TNFRSF19: variants seen among roughly 807,000 people sequenced by gnomAD.
The protein encoded by TNFRSF19 is tumor necrosis factor receptor superfamily member 19.
A neutral mutation model predicts 46.4 loss-of-function variants in TNFRSF19; 27 were observed. That is an observed-to-expected ratio of 0.58 (90% CI 0.43 to 0.80). The LOEUF is 0.80. Ranked by LOEUF, TNFRSF19 falls within the 30% of genes least tolerant of loss-of-function variation. The probability of loss-of-function intolerance (pLI) is 0.00; values close to 1 mark genes in which losing one functional copy is unlikely to be tolerated. For missense variants in TNFRSF19, 511 were observed against 530.8 expected (o/e 0.96, Z 0.37); for synonymous variants, 204 against 205.0 (o/e 1.00, Z 0.04).
intron 3 of TNFRSF19, among the ~76,000 whole-genome samples, chr13:23,609,957 A>G (rs1192913477): frequency 6.6e-6 from 1 of 152,172 alleles, no homozygotes; most frequent in Non-Finnish European, 1.5e-5. Context: ...AGAAACTGAA[A>G]GTTGAGGGGA....
At chr13:23,572,104 T>G (rs1877669151) in intron 1 of TNFRSF19, among the ~76,000 whole-genome samples, 1 of 152,144 alleles carries the variant, frequency 6.6e-6, no homozygotes, top group Admixed American at 6.5e-5. Flanking sequence ...CTCTTGATAC[T>G]AGAAGGGTAA....
intron 6 of TNFRSF19, 43 bp from the exon 7 acceptor site, chr13:23,660,322 G>A (rs1884274729): frequency 6.3e-7 from 1 of 1,588,992 alleles, no homozygotes; most frequent in Non-Finnish European, 8.6e-7. Context: ...GTCCACTAGA[G>A]AGGAGACTGT....
intron 1 of TNFRSF19, among the ~76,000 whole-genome samples, chr13:23,578,845 C>A (rs1328649613): frequency 6.6e-6 from 1 of 152,218 alleles, no homozygotes; most frequent in East Asian, 1.9e-4. Flanking sequence ...CGTCTCGGGG[C>A]GAGTGCTTCC....
intron 1 of TNFRSF19, among the ~76,000 whole-genome samples, chr13:23,584,581 G>C (rs1330344074): frequency 6.6e-6 from 1 of 150,802 alleles, no homozygotes; most frequent in Admixed American, 6.6e-5. Context: ...TTTCTCCTGG[G>C]TAGATACCCA....
intron 9 of TNFRSF19, chr13:23,669,824 A>G (rs949983068): frequency 7.2e-6 from 4 of 556,536 alleles, no homozygotes; most frequent in Non-Finnish European, 9.1e-6. Context: ...AATTTGACCT[A>G]ATGTTTGTAA....
intron 1 of TNFRSF19, among the ~76,000 whole-genome samples, chr13:23,574,560 AGGCATAAT>A (rs1877840532): frequency 6.6e-6 from 1 of 152,158 alleles, no homozygotes; most frequent in Non-Finnish European, 1.5e-5. Flanking sequence ...TAAGCCATGA[AGGCATAAT>A]CTGTTCTCCC....
Position 23,594,298 on chromosome 13 carries a change from T to A in TNFRSF19, c.180+843T>A, listed in dbSNP as rs1272123791. On this transcript the variant is annotated intron_variant, in intron 3 of 9. Coordinates refer to ENST00000248484, the MANE Select transcript of TNFRSF19 (RefSeq NM_148957.4). ...AGGGGGATGAAGCCAGGGAGACAAA[T>A]GGTCTAGCTCAGCAGATCCAACTCC... 9 of 451,550 alleles carry A rather than the reference T, an allele frequency of 2.0e-5. No individual in the cohort carries two copies. In the East Asian group the frequency reaches 6.4e-4, roughly 32 times the overall value. The allele number at this position is 451,550 out of a possible 1,614,324, so 28.0% of individuals were successfully genotyped here.
chr13:23,668,148 C>T, intron 8 of TNFRSF19, 66 bp downstream of exon 8: 1 of 1,328,030 alleles, frequency 7.5e-7, no homozygotes, highest in Non-Finnish European at 1.0e-6. Flanking sequence ...TACTAATTTA[C>T]CGATTTTCAT....
chr13:23,575,347 G>C (rs148939850), intron 1 of TNFRSF19, among the ~76,000 whole-genome samples: 2 of 152,156 alleles, frequency 1.3e-5, no homozygotes, highest in African/African-American at 4.8e-5. Context: ...TAGCCTCCTT[G>C]GGTTTTTCAT....
intron 4 of TNFRSF19, among the ~76,000 whole-genome samples, chr13:23,623,441 T>C (rs1372645644): frequency 1.3e-5 from 2 of 152,192 alleles, no homozygotes; most frequent in Non-Finnish European, 2.9e-5. Flanking sequence ...AGACCCTGAT[T>C]TGAGTTCTTT....
At chr13:23,635,535 T>G (rs749360363) in intron 5 of TNFRSF19, among the ~76,000 whole-genome samples, 1 of 152,034 alleles carries the variant, frequency 6.6e-6, no homozygotes, top group Non-Finnish European at 1.5e-5. Flanking sequence ...TGTGCCACCA[T>G]GCCCGGCTAA....
intron 1 of TNFRSF19, chr13:23,579,472 C>G (rs1878229406): frequency 6.6e-6 from 1 of 152,548 alleles, no homozygotes; most frequent in African/African-American, 2.4e-5. Flanking sequence ...GACTGCTCCG[C>G]GCGCCCCTGA....
At chr13:23,669,805 C>G (rs758813735) in intron 9 of TNFRSF19, 5 of 748,440 alleles carry the variant, frequency 6.7e-6, no homozygotes, top group Non-Finnish European at 8.1e-6. Flanking sequence ...GAGGATGTGG[C>G]CTTTGCTGAA....
At position 23,659,058 on chromosome 13, in the gene TNFRSF19, A is replaced by C. The variant is rs779948011; in HGVS notation, c.454A>C (p.Lys152Gln). ...CATTCCTGTGGTTTCAGGTGCCAGC[A>C]AGGTCAACCTCGTGAAGATCGCGTC... ...PPPYEPHCAS[K>Q]VNLVKIASTA... Residue 152 changes from lysine to glutamine, a missense_variant, in exon 6 of 10, where the codon AAG becomes CAG. Around this residue, in one of 3 missense-constraint regions of TNFRSF19, gnomAD observed 376 missense variants for 372.7 expected, o/e 1.01. Transcript: ENST00000248484. The surrounding 1 kb of genome is among the most constrained non-coding windows in gnomAD (Gnocchi z 4.9). 6.2e-7 allele frequency: 1 copy of C among 1,613,664 alleles called. No homozygotes were observed. Among genetic ancestry groups the C allele is most frequent in the Admixed American group, 1.7e-5 (1 of 60,026 alleles).
In TNFRSF19 at chr13:23,644,300, G is replaced by T. The variant is rs9580707; in HGVS notation, c.446-14750G>T. On this transcript the variant is annotated intron_variant, in intron 5 of 9. Coordinates refer to ENST00000248484, the MANE Select transcript of TNFRSF19 (RefSeq NM_148957.4). ...GTAGTTCCCATAATCTCCACATGTT[G>T]TGGGAGGGACCCAGTGGGAGATAAC... Among the ~76,000 whole-genome samples, 1,083 of 152,296 alleles carry T rather than the reference G, an allele frequency of 7.1e-3. 13 individuals are homozygous for T. Among genetic ancestry groups the T allele is most frequent in the African/African-American group, 0.025 (1,037 of 41,548 alleles).
rs772627484 is a variant in TNFRSF19 at position 23,660,506 on chromosome 13, A to G, written c.736+16A>G. ...CAGACCTGCGGTAAGTTCAGCAGGG[A>G]AGTGCCGTTAGGAGGACTGGAGGTA... On this transcript the variant is annotated intron_variant, in intron 7 of 9. Coordinates refer to ENST00000248484, the MANE Select transcript of TNFRSF19 (RefSeq NM_148957.4). 6.2e-7 allele frequency: 1 copy of G among 1,610,792 alleles called. No homozygotes were observed. The highest frequency in any genetic ancestry group is 8.5e-7 in the Non-Finnish European group (1 of 1,179,024).
intron 6 of TNFRSF19, 111 bp from the exon 7 acceptor site, chr13:23,660,254 A>T: frequency 1.8e-6 from 2 of 1,139,894 alleles, no homozygotes; most frequent in South Asian, 1.7e-5. Flanking sequence ...AGAAGTCATC[A>T]AACATTGGAA....
intron 5 of TNFRSF19, among the ~76,000 whole-genome samples, chr13:23,644,601 T>G (rs1347274954): frequency 3.3e-5 from 5 of 152,190 alleles, no homozygotes; most frequent in Non-Finnish European, 7.3e-5. Context: ...GAGAACAGAC[T>G]AATACACAGT....
At chr13:23,596,714 G>C (rs1376100380) in intron 3 of TNFRSF19, among the ~76,000 whole-genome samples, 1 of 152,074 alleles carries the variant, frequency 6.6e-6, no homozygotes, top group African/African-American at 2.4e-5. Flanking sequence ...AATTAACAAG[G>C]ATATTCAGGA....
Sources: gnomAD v4.1 joint callset for allele counts (sites outside exome capture counted in the v4.1 genomes callset) on GRCh38, gnomAD v4.1.1 for gene constraint, gnomAD v4.1.1 regional missense constraint, Gnocchi (gnomAD v3.1) non-coding constraint, MANE v1.5 for transcripts, NCBI Gene and HGNC (gene_info 2026-07-23, HGNC 2026-07-21) for gene names.